TENM2: variants seen among roughly 807,000 people sequenced by gnomAD.
The protein encoded by TENM2 is teneurin-2.
A neutral mutation model predicts 245.2 loss-of-function variants in TENM2; 52 were observed. The ratio of observed to expected loss-of-function variants is 0.21; its 90% CI spans 0.17 to 0.27. TENM2 has a LOEUF of 0.27. TENM2 is among the 10% of genes least tolerant of loss of function. The pLI is 1.00. For synonymous variants in TENM2, 1,363 were observed against 1,438.9 expected (o/e 0.95, Z 1.19); for missense variants, 3,046 against 3,666.8 (o/e 0.83, Z 4.37).
chr5:167,351,729 T>C (rs2127845799), intron 1 of TENM2, among the ~76,000 whole-genome samples: 1 of 152,256 alleles, frequency 6.6e-6, no homozygotes, highest in South Asian at 2.1e-4. Flanking sequence ...GGGATGGTCC[T>C]AATTAGCTGT....
chr5:168,130,744 C>T (rs1443942222), intron 12 of TENM2, among the ~76,000 whole-genome samples: 1 of 152,034 alleles, frequency 6.6e-6, no homozygotes, highest in South Asian at 2.1e-4. Context: ...CAAAAATTAG[C>T]TGGGCATGGT....
rs145298943 is a variant in TENM2 at position 167,648,791 on chromosome 5, A to G, written c.503-227195A>G. On this transcript the variant is annotated intron_variant, in intron 2 of 28. Transcript: ENST00000518659. ...TTGGGAATCAGTTAATTACTAGTCA[A>G]AATTGGTTTGAGGGACTAGGAAACA... Among the ~76,000 whole-genome samples the G allele has an allele frequency of 9.9e-4, 151 of 152,260 alleles. 2 individuals carry two copies. The highest frequency in any genetic ancestry group is 3.6e-3 in the African/African-American group (149 of 41,552).
intron 27 of TENM2, among the ~76,000 whole-genome samples, chr5:168,259,178 G>A (rs1393116191): frequency 2.0e-5 from 3 of 152,140 alleles, no homozygotes; most frequent in Non-Finnish European, 4.4e-5. Flanking sequence ...TTCAGCAGAG[G>A]GCAGGACACT....
rs1756738505 is a variant in TENM2, at chr5:167,321,777, C to T, written c.226+36714C>T. ...GGCATTGAATCTGTTGTCTTGCTGC[C>T]TTGGCTTATTTTTTTTTTTTTTTTG... On this transcript the variant is annotated intron_variant, in intron 1 of 28. Coordinates refer to ENST00000518659, the Ensembl canonical transcript of TENM2. 5.6e-5 allele frequency among the ~76,000 whole-genome samples: 4 copies of T among 71,764 alleles called. No individual in the cohort carries two copies. The South Asian group carries it at 1.9e-3, about 34-fold the overall frequency. The allele number at this position is 71,764 out of a possible 152,430, so 47.1% of individuals were successfully genotyped here.
chr5:167,702,870 G>A (rs1165081394), intron 2 of TENM2, among the ~76,000 whole-genome samples: 5 of 151,898 alleles, frequency 3.3e-5, no homozygotes, highest in African/African-American at 1.2e-4. Flanking sequence ...TCACCATGTT[G>A]GCCAGGCTGG....
chr5:168,197,493 G>A (rs1054323180), intron 15 of TENM2, among the ~76,000 whole-genome samples: 1 of 152,140 alleles, frequency 6.6e-6, no homozygotes, highest in African/African-American at 2.4e-5. Flanking sequence ...GAAGTCAGGA[G>A]ATGGAGACCA....
At chr5:167,831,805 G>T (rs183955670) in intron 2 of TENM2, among the ~76,000 whole-genome samples, 5 of 152,204 alleles carry the variant, frequency 3.3e-5, no homozygotes, top group African/African-American at 9.6e-5. Flanking sequence ...ACAACAATTT[G>T]CTGCATAAGG....
At chr5:167,746,712 A>AGAGAGAGAGAGAGAGAGAGC (rs751185236) in intron 2 of TENM2, among the ~76,000 whole-genome samples, 1 of 149,684 alleles carries the variant, frequency 6.7e-6, no homozygotes, top group Admixed American at 6.6e-5. Context: ...AGAGAGAGAG[A>AGAGAGAGAGAGAGAGAGAGC]GAGCTGGACT....
rs1275688569 is a variant in TENM2, at chr5:167,445,330, T to TAGAGAGAGAG, written c.502+69858_502+69859insGAGAGAGAGA. The stretch of plus-strand genomic sequence containing the variant: ...ATATGATTATATATATATATATATA[T>TAGAGAGAGAG]ATATATAGAGAGAGAGAGAGAGAGA... On this transcript the variant is annotated intron_variant, in intron 2 of 28. Transcript: ENST00000518659. 4.7e-3 allele frequency among the ~76,000 whole-genome samples: 231 copies of TAGAGAGAGAG among 49,088 alleles called. 2 individuals are homozygous for TAGAGAGAGAG. Among genetic ancestry groups the TAGAGAGAGAG allele is most frequent in the Middle Eastern group, 0.02 (1 of 50 alleles). The allele number at this position is 49,088 out of a possible 152,430, so 32.2% of individuals were successfully genotyped here.
rs566323537 is a variant in TENM2 at position 167,362,573 on chromosome 5, C to T, written c.227-12625C>T. Among the ~76,000 whole-genome samples the T allele has an allele frequency of 1.8e-4, 27 of 152,246 alleles. No homozygotes were observed. The South Asian group carries it at 3.5e-3, about 20-fold the overall frequency. ...TAGGAAAGTCAAAGTGTTTTCAAAA[C>T]ATCAAGCACATGATGGAAATAGGCA... On this transcript the variant is annotated intron_variant, in intron 1 of 28. Coordinates refer to ENST00000518659, the Ensembl canonical transcript of TENM2.
chr5:167,636,825 C>A (rs1284121270), intron 2 of TENM2, among the ~76,000 whole-genome samples: 1 of 152,120 alleles, frequency 6.6e-6, no homozygotes, highest in Non-Finnish European at 1.5e-5. Context: ...ATTGTACATA[C>A]TAATAAAATA....
At chr5:167,356,217 A>AAGAAAAATT (rs1759320915) in intron 1 of TENM2, among the ~76,000 whole-genome samples, 3 of 129,100 alleles carry the variant, frequency 2.3e-5, no homozygotes, top group African/African-American at 9.6e-5. Context: ...AAAAAAAAAA[A>AAGAAAAATT]AAAATTAAAA....
chr5:167,065,021 T>C, the TENM2 span, among the ~76,000 whole-genome samples: 1 of 152,166 alleles, frequency 6.6e-6, no homozygotes, highest in African/African-American at 2.4e-5. Context: ...AGAATTTGCG[T>C]TTTAAAGGGT....
the TENM2 span, among the ~76,000 whole-genome samples, chr5:167,242,125 C>G: frequency 6.7e-6 from 1 of 150,238 alleles, no homozygotes; most frequent in Non-Finnish European, 1.5e-5. Flanking sequence ...TCTCAGCTCA[C>G]TGCAACCTCT....
chr5:167,539,444 C>A (rs2127602005), intron 2 of TENM2, among the ~76,000 whole-genome samples: 1 of 152,040 alleles, frequency 6.6e-6, no homozygotes, highest in East Asian at 1.9e-4. Flanking sequence ...TTGAAATTGA[C>A]CATTCTGTAA....
intron 1 of TENM2, among the ~76,000 whole-genome samples, chr5:167,364,294 T>TA (rs1394197206): frequency 2.4e-4 from 36 of 152,100 alleles, no homozygotes; most frequent in Non-Finnish European, 4.0e-4. Flanking sequence ...AGAGCACCAC[T>TA]AAAAAATCTG....
chr5:167,281,115 T>G (rs1161620787), upstream of TENM2, among the ~76,000 whole-genome samples: 1 of 149,708 alleles, frequency 6.7e-6, no homozygotes, highest in Non-Finnish European at 1.5e-5. Context: ...CAATCAATGT[T>G]TTTTTTTTTT....
At chr5:167,929,063 AAGAAAGAAAGAAAG>A (rs757812451) in intron 3 of TENM2, among the ~76,000 whole-genome samples, 912 of 19,348 alleles carry the variant, frequency 0.047, 13 homozygotes, top group South Asian at 0.057. Flanking sequence ...GAAAGAGAGA[AAGAAAGAAAGAAAG>A]AAAGAAAGAA....
intron 2 of TENM2, among the ~76,000 whole-genome samples, chr5:167,602,537 G>A (rs1036697074): frequency 2.4e-4 from 36 of 152,178 alleles, no homozygotes; most frequent in African/African-American, 8.4e-4. Flanking sequence ...AGCATTGGGG[G>A]TTTGGTGGTT....
Sources: allele counts gnomAD v4.1 joint callset (sites outside exome capture counted in the v4.1 genomes callset), GRCh38; gene constraint gnomAD v4.1.1; transcripts MANE v1.5; gene names NCBI Gene and HGNC (gene_info 2026-07-23, HGNC 2026-07-21).